The following IL1RAPL1 variants were observed in gnomAD, a reference collection of about 807,000 sequenced individuals.
IL1RAPL1 encodes interleukin-1 receptor accessory protein-like 1.
A neutral mutation model predicts 48.4 loss-of-function variants in IL1RAPL1; 3 were observed. That is an observed-to-expected ratio of 0.06 (90% CI 0.03 to 0.16). IL1RAPL1 has a LOEUF of 0.16. IL1RAPL1 is among the 10% of genes least tolerant of loss of function. The probability of loss-of-function intolerance (pLI) is 1.00; values close to 1 mark genes in which losing one functional copy is unlikely to be tolerated. For missense variants in IL1RAPL1, 349 were observed against 530.6 expected (o/e 0.66, Z 3.36); for synonymous variants, 185 against 187.7 (o/e 0.99, Z 0.12).
At chrX:28,815,362 TA>T (rs1250605764) in intron 2 of IL1RAPL1, among the ~76,000 whole-genome samples, 1 of 110,649 alleles carries the variant, frequency 9.0e-6, no homozygotes, top group African/African-American at 3.3e-5. Context: ...GTATACATTT[TA>T]GGGGCACATG....
chrX:29,308,082 T>C (rs1178269687), intron 3 of IL1RAPL1, among the ~76,000 whole-genome samples: 1 of 112,127 alleles, frequency 8.9e-6, no homozygotes, highest in Non-Finnish European at 1.9e-5. Context: ...AAAGACTGAT[T>C]AAGCATAGAA....
intron 2 of IL1RAPL1, among the ~76,000 whole-genome samples, chrX:29,175,845 CAAAAAAAA>C (rs58728418): frequency 2.6e-5 from 1 of 37,781 alleles, no homozygotes; most frequent in Non-Finnish European, 4.3e-5. Flanking sequence ...GACTCTGTCT[CAAAAAAAA>C]AAAAAAAAAA....
At chrX:29,289,590 TTGTC>T (rs1472239574) in intron 3 of IL1RAPL1, among the ~76,000 whole-genome samples, 1 of 111,896 alleles carries the variant, frequency 8.9e-6, no homozygotes, top group African/African-American at 3.2e-5. Flanking sequence ...TAGCATAAGT[TTGTC>T]TATGTCTACA....
At chrX:29,122,086 A>C (rs1471800725) in intron 2 of IL1RAPL1, among the ~76,000 whole-genome samples, 1 of 111,272 alleles carries the variant, frequency 9.0e-6, no homozygotes, top group East Asian at 2.8e-4. Context: ...AAGCAAGAGT[A>C]TTCATCCAGC....
intron 2 of IL1RAPL1, among the ~76,000 whole-genome samples, chrX:28,836,382 GAGAGAC>G (rs1185374417): frequency 1.0e-5 from 1 of 97,669 alleles, no homozygotes; most frequent in Non-Finnish European, 2.0e-5. Context: ...GAGAGAGAGA[GAGAGAC>G]AGACAGACAG....
At chrX:29,862,892 T>A (rs1421370444) in intron 6 of IL1RAPL1, among the ~76,000 whole-genome samples, 1 of 107,319 alleles carries the variant, frequency 9.3e-6, no homozygotes, top group African/African-American at 3.4e-5. Context: ...CTTAGTGTTC[T>A]TTAAGGCAGA....
In IL1RAPL1 at chrX:29,081,020, C is replaced by CTCTTTCTTTTCTTTTCTTTTCT. The variant is rs1555960745; in HGVS notation, c.83-201917_83-201916insCTTTCTTTTCTTTTCTTTTCTT. 1.2e-4 allele frequency among the ~76,000 whole-genome samples: 5 copies of CTCTTTCTTTTCTTTTCTTTTCT among 41,911 alleles called. No homozygotes were observed. In the East Asian group the frequency reaches 2.7e-3, roughly 23 times the overall value. 36.4% of individuals were successfully genotyped at this position (41,911 alleles called of 115,157 possible). A position where few individuals can be genotyped will look rare whatever the true frequency, so the allele number is the denominator to read the frequency against. On this transcript the variant is annotated intron_variant, in intron 2 of 10. Transcript: ENST00000378993. ...TCTCTCTCTCTCTCTCTCTCTCTCT[C>CTCTTTCTTTTCTTTTCTTTTCT]TTTCTTTTCTTTTCTTTTCTTTTCT... is the stretch of plus-strand genomic sequence containing the variant.
At chrX:29,529,432 A>G (rs1233591837) in intron 5 of IL1RAPL1, among the ~76,000 whole-genome samples, 1 of 109,204 alleles carries the variant, frequency 9.2e-6, no homozygotes, top group Non-Finnish European at 1.9e-5. Flanking sequence ...TGTTGCTACT[A>G]AAAATACAAA....
intron 6 of IL1RAPL1, among the ~76,000 whole-genome samples, chrX:29,901,363 A>C (rs1159028996): frequency 8.9e-6 from 1 of 111,884 alleles, no homozygotes; most frequent in Non-Finnish European, 1.9e-5. Context: ...CTGCCTCAAG[A>C]GGTATCAGCC....
chrX:29,732,435 C>T (rs1267908361), intron 6 of IL1RAPL1, among the ~76,000 whole-genome samples: 1 of 111,459 alleles, frequency 9.0e-6, no homozygotes, highest in Non-Finnish European at 1.9e-5. Context: ...ATTAGTGGCT[C>T]CATACCCTTC....
intron 2 of IL1RAPL1, among the ~76,000 whole-genome samples, chrX:28,799,225 C>A (rs1936647544): frequency 8.9e-6 from 1 of 111,962 alleles, no homozygotes; most frequent in Non-Finnish European, 1.9e-5. Flanking sequence ...AGCACAGAAA[C>A]TTGAAATGAC....
chrX:29,558,063 T>C, intron 5 of IL1RAPL1, among the ~76,000 whole-genome samples: 1 of 111,758 alleles, frequency 8.9e-6, no homozygotes, highest in Non-Finnish European at 1.9e-5. Flanking sequence ...AGAAGTAAGA[T>C]GCTGAATCAT....
intron 6 of IL1RAPL1, among the ~76,000 whole-genome samples, chrX:29,765,085 G>T (rs923493184): frequency 1.8e-5 from 2 of 112,375 alleles, no homozygotes; most frequent in Admixed American, 1.9e-4. Context: ...GCAATAGTTT[G>T]TGTGGTTAAT....
At chrX:28,906,019 T>C (rs2147329117) in intron 2 of IL1RAPL1, among the ~76,000 whole-genome samples, 1 of 112,249 alleles carries the variant, frequency 8.9e-6, no homozygotes, top group East Asian at 2.8e-4. Context: ...TCCACATGGC[T>C]GCGGAGGCCT....
intron 5 of IL1RAPL1, among the ~76,000 whole-genome samples, chrX:29,472,395 A>T (rs1304016808): frequency 9.0e-6 from 1 of 111,584 alleles, no homozygotes; most frequent in Non-Finnish European, 1.9e-5. Flanking sequence ...CACAAGACCC[A>T]TTCTAGGTAA....
chrX:29,022,895 C>A (rs1926403606), intron 2 of IL1RAPL1, among the ~76,000 whole-genome samples: 1 of 112,133 alleles, frequency 8.9e-6, no homozygotes, highest in African/African-American at 3.2e-5. Flanking sequence ...ATAACATTGT[C>A]ATAATTCTTG....
intron 2 of IL1RAPL1, among the ~76,000 whole-genome samples, chrX:28,867,759 A>C (rs762965270): frequency 9.0e-6 from 1 of 111,304 alleles, no homozygotes; most frequent in Admixed American, 9.6e-5. Flanking sequence ...TTTTCAGGTG[A>C]GTAAAATGGA....
At chrX:29,624,125 C>T (rs187827392) in intron 5 of IL1RAPL1, among the ~76,000 whole-genome samples, 143 of 111,959 alleles carry the variant, frequency 1.3e-3, no homozygotes, top group African/African-American at 4.4e-3. Flanking sequence ...TCCTTTAGAG[C>T]TGTGATGCAA....
intron 1 of IL1RAPL1, among the ~76,000 whole-genome samples, chrX:28,757,193 A>G (rs756394268): frequency 2.7e-5 from 3 of 112,305 alleles, no homozygotes; most frequent in African/African-American, 9.7e-5. Context: ...CTACTTCTCT[A>G]CTAGCTTTTG....
Sources: gnomAD v4.1 joint callset for allele counts (sites outside exome capture counted in the v4.1 genomes callset) on GRCh38, gnomAD v4.1.1 for gene constraint, MANE v1.5 for transcripts, NCBI Gene and HGNC (gene_info 2026-07-23, HGNC 2026-07-21) for gene names.